The following APOLD1 variants were observed in gnomAD, a reference collection of about 807,000 sequenced individuals.
The protein encoded by APOLD1 is apolipoprotein L domain containing 1, also known as apolipoprotein L domain-containing protein 1.
APOLD1 carries 22 observed loss-of-function variants against 15.3 expected under a neutral mutation model. That is an observed-to-expected ratio of 1.44 (90% CI 1.03 to 2.05). The LOEUF is 2.05. Ranked by LOEUF, APOLD1 falls within the 30% of genes most tolerant of loss-of-function variation. The pLI, the probability that APOLD1 is intolerant of heterozygous loss-of-function variation, is 0.00. For synonymous variants in APOLD1, 190 were observed against 167.4 expected (o/e 1.13, Z -1.04); for missense variants, 394 against 353.5 (o/e 1.11, Z -0.92).
intron 1 of APOLD1, among the ~76,000 whole-genome samples, chr12:12,761,071 T>C (rs752609645): frequency 4.6e-5 from 7 of 152,254 alleles, no homozygotes; most frequent in Non-Finnish European, 1.0e-4. Context: ...GCGTCCTGAA[T>C]AGAAGTTATA....
chr12:12,764,735 A>G, intron 1 of APOLD1: 1 of 503,950 alleles, frequency 2.0e-6, no homozygotes, highest in Non-Finnish European at 4.1e-6. Context: ...TGCCACTCAT[A>G]CACCTTTATG....
At chr12:12,771,050 GAC>G (rs1382680096) in intron 1 of APOLD1, among the ~76,000 whole-genome samples, 1 of 152,044 alleles carries the variant, frequency 6.6e-6, no homozygotes, top group Non-Finnish European at 1.5e-5. Context: ...GGTCTTCTCA[GAC>G]AAACAAAAAT....
At chr12:12,734,452 T>C (rs1035100273) in intron 1 of APOLD1, among the ~76,000 whole-genome samples, 1 of 152,258 alleles carries the variant, frequency 6.6e-6, no homozygotes, top group Non-Finnish European at 1.5e-5. Context: ...ATATTGGCTA[T>C]GGGAGACCAC....
intron 1 of APOLD1, among the ~76,000 whole-genome samples, chr12:12,770,219 G>A (rs948335722): frequency 2.6e-5 from 4 of 152,156 alleles, no homozygotes; most frequent in Non-Finnish European, 5.9e-5. Flanking sequence ...AGCCTGACAA[G>A]CATGGTGAAA....
chr12:12,754,220 G>GGAA (rs1946838197), intron 1 of APOLD1, among the ~76,000 whole-genome samples: 1 of 70,136 alleles, frequency 1.4e-5, no homozygotes, highest in Non-Finnish European at 3.2e-5. Flanking sequence ...AAAGGAAAAA[G>GGAA]AAAAAAAGAA....
chr12:12,750,290 T>G (rs965440824), intron 1 of APOLD1, among the ~76,000 whole-genome samples: 1 of 143,758 alleles, frequency 7.0e-6, no homozygotes, highest in Non-Finnish European at 1.5e-5. Context: ...GAGAATCGCT[T>G]GAACCCGGGA....
chr12:12,740,037 A>T (rs2136372872), intron 1 of APOLD1, among the ~76,000 whole-genome samples: 1 of 149,872 alleles, frequency 6.7e-6, no homozygotes, highest in Non-Finnish European at 1.5e-5. Context: ...GCCAGAGTAC[A>T]GTGGTGTGAT....
At chr12:12,782,778 C>A (rs1198128200), upstream of APOLD1, among the ~76,000 whole-genome samples, 88 of 152,162 alleles carry the variant, frequency 5.8e-4, no homozygotes, top group Non-Finnish European at 1.0e-4. Context: ...AAGTGCCCAA[C>A]AAACAATTTA....
At chr12:12,743,409 TGAG>T (rs1417097491) in intron 1 of APOLD1, among the ~76,000 whole-genome samples, 1 of 151,162 alleles carries the variant, frequency 6.6e-6, no homozygotes, top group Admixed American at 6.6e-5. Flanking sequence ...CACCTTGAGA[TGAG>T]GAGAGCGGTT....
At chr12:12,761,769 C>T (rs1946900049) in intron 1 of APOLD1, among the ~76,000 whole-genome samples, 1 of 150,262 alleles carries the variant, frequency 6.7e-6, no homozygotes, top group African/African-American at 2.5e-5. Context: ...ACAGAACTCA[C>T]CCCCAAATGG....
In APOLD1 at chr12:12,736,126, CGGG is replaced by C. The variant is rs1442664438; in HGVS notation, c.96+10031_96+10033del. ...ATCCCAGCATTTTGGGAGGCTGAGGCGGGTGGATCACTCAGGAGTTCAAGACTG... is the reference window on the plus strand; with the variant it reads ...ATCCCAGCATTTTGGGAGGCTGAGGCTGGATCACTCAGGAGTTCAAGACTG... On this transcript the variant is annotated intron_variant, in intron 1 of 1. Coordinates refer to the APOLD1 transcript ENST00000326765. 1.6e-4 allele frequency among the ~76,000 whole-genome samples: 24 copies of C among 151,952 alleles called. No individual in the cohort carries two copies. In the East Asian group the frequency reaches 4.6e-3, roughly 29 times the overall value.
At position 12,745,855 on chromosome 12, in the gene APOLD1, C is replaced by G. The variant is rs1262962296; in HGVS notation, c.96+19759C>G. 3.9e-5 allele frequency among the ~76,000 whole-genome samples: 6 copies of G among 152,060 alleles called. No homozygotes were observed. In the East Asian group the frequency reaches 9.6e-4, roughly 24 times the overall value. On this transcript the variant is annotated intron_variant, in intron 1 of 1. Coordinates refer to the APOLD1 transcript ENST00000326765. ...TACAGCAGATCTTTCAGCCCGCATG[C>G]TTGCTCTGTACTTGGAATTCTCTAG...
intron 1 of APOLD1, among the ~76,000 whole-genome samples, chr12:12,770,400 A>G (rs1946977957): frequency 6.6e-6 from 1 of 152,092 alleles, no homozygotes; most frequent in South Asian, 2.1e-4. Context: ...GCGAGACTTC[A>G]TCTCAAAAAC....
At chr12:12,764,100 T>C (rs928369040) in intron 1 of APOLD1, among the ~76,000 whole-genome samples, 1 of 152,094 alleles carries the variant, frequency 6.6e-6, no homozygotes, top group African/African-American at 2.4e-5. Context: ...GTAGCTGGGA[T>C]TGCAGGTGCC....
exon 1 of APOLD1, chr12:12,726,013 C>G: frequency 6.6e-7 from 1 of 1,521,172 alleles, no homozygotes; most frequent in Non-Finnish European, 8.8e-7. Context: ...GTTCCGCGCG[C>G]CGTGTCACCG....
At chr12:12,732,890 C>T (rs1946652081) in intron 1 of APOLD1, among the ~76,000 whole-genome samples, 1 of 151,804 alleles carries the variant, frequency 6.6e-6, no homozygotes, top group African/African-American at 2.4e-5. Flanking sequence ...AAAGAGTAAA[C>T]AACCAAATAA....
At chr12:12,783,963 C>G (rs79228901), upstream of APOLD1, among the ~76,000 whole-genome samples, 427 of 152,280 alleles carry the variant, frequency 2.8e-3, no homozygotes, top group African/African-American at 9.7e-3. Context: ...GGCAGTAAAA[C>G]TTTAGCCCAA....
chr12:12,754,765 C>T (rs191715179), intron 1 of APOLD1, among the ~76,000 whole-genome samples: 4 of 150,894 alleles, frequency 2.7e-5, no homozygotes, highest in African/African-American at 9.8e-5. Flanking sequence ...ATTGGCTGGA[C>T]ATGGTGGCTC....
intron 1 of APOLD1, among the ~76,000 whole-genome samples, chr12:12,767,625 C>T (rs1022713980): frequency 6.6e-5 from 10 of 152,172 alleles, no homozygotes; most frequent in South Asian, 2.1e-4. Context: ...CACTGCACTC[C>T]AGCCTGGGCT....
Sources: allele counts gnomAD v4.1 joint callset (sites outside exome capture counted in the v4.1 genomes callset), GRCh38; gene constraint gnomAD v4.1.1; transcripts MANE v1.5; gene names NCBI Gene and HGNC (gene_info 2026-07-23, HGNC 2026-07-21).